GALNT13: variants seen among roughly 807,000 people sequenced by gnomAD.
GALNT13 encodes the protein polypeptide N-acetylgalactosaminyltransferase 13.
Under a neutral mutation model 64.2 loss-of-function variants are expected in GALNT13, and 28 were observed. That is an observed-to-expected ratio of 0.44 (90% confidence interval 0.32 to 0.60). The LOEUF (loss-of-function observed/expected upper bound fraction) is 0.60. Among genes scored for constraint, GALNT13 ranks in the 20% least tolerant of loss-of-function variants. The pLI, the probability that GALNT13 is intolerant of heterozygous loss-of-function variation, is 0.05. For synonymous variants in GALNT13, 214 were observed against 224.6 expected (o/e 0.95, Z 0.42); for missense variants, 577 against 669.8 (o/e 0.86, Z 1.53).
the GALNT13 span, among the ~76,000 whole-genome samples, chr2:153,790,928 A>G: frequency 1.3e-5 from 2 of 152,186 alleles, no homozygotes; most frequent in Non-Finnish European, 2.9e-5. Flanking sequence ...CAGAATTACA[A>G]AACACTGCTC....
At chr2:153,313,438 A>C in the GALNT13 span, among the ~76,000 whole-genome samples, 1 of 152,092 alleles carries the variant, frequency 6.6e-6, no homozygotes, top group African/African-American at 2.4e-5. Flanking sequence ...TTAGCAAACT[A>C]ACACAGGAAC....
the GALNT13 span, among the ~76,000 whole-genome samples, chr2:153,112,469 C>T: frequency 2.0e-5 from 3 of 152,074 alleles, no homozygotes; most frequent in East Asian, 5.8e-4. Context: ...TAGTAACTGA[C>T]ATTTTAGTCC....
the GALNT13 span, among the ~76,000 whole-genome samples, chr2:153,737,418 C>T: frequency 6.6e-6 from 1 of 150,678 alleles, no homozygotes; most frequent in Non-Finnish European, 1.5e-5. Context: ...TTGGTGGCCT[C>T]GTGTATTATC....
the GALNT13 span, among the ~76,000 whole-genome samples, chr2:153,796,271 C>T: frequency 0.012 from 1,881 of 152,296 alleles, 34 homozygotes; most frequent in African/African-American, 0.042. Context: ...TGTCAATTAT[C>T]GCAAGAAGAG....
chr2:153,846,004 A>AT, the GALNT13 span, among the ~76,000 whole-genome samples: 1 of 152,224 alleles, frequency 6.6e-6, no homozygotes, highest in Non-Finnish European at 1.5e-5. Flanking sequence ...GTGTAACAAA[A>AT]GTAAAGGCAA....
the GALNT13 span, among the ~76,000 whole-genome samples, chr2:153,501,389 TG>T: frequency 2.2e-4 from 33 of 152,250 alleles, no homozygotes; most frequent in African/African-American, 7.9e-4. Flanking sequence ...TGGAGTGCAG[TG>T]GCACAATCTC....
chr2:153,472,433 TTGTC>T, the GALNT13 span, among the ~76,000 whole-genome samples: 1 of 152,070 alleles, frequency 6.6e-6, no homozygotes, highest in Non-Finnish European at 1.5e-5. Context: ...TTACATGTGT[TTGTC>T]TGTGCCAGTG....
chr2:154,141,117 T>G (rs1167618597), intron 4 of GALNT13, among the ~76,000 whole-genome samples: 1 of 152,072 alleles, frequency 6.6e-6, no homozygotes, highest in Non-Finnish European at 1.5e-5. Flanking sequence ...ATTTGTATAC[T>G]TGTATAGGTC....
Position 154,342,596 on chromosome 2 carries a change from A to T in GALNT13, c.1156+41007A>T. ...CTATCAAATTCAGATTTCAGTGTTC[A>T]TAAAAAAAACTTTAATTACAACACA... is the stretch of plus-strand genomic sequence containing the variant. On this transcript the variant is annotated intron_variant, in intron 9 of 12. Coordinates refer to ENST00000392825, the MANE Select transcript of GALNT13 (RefSeq NM_052917.4). 1.3e-5 allele frequency among the ~76,000 whole-genome samples: 2 copies of T among 152,062 alleles called. 1 individual carries two copies.
chr2:153,924,726 T>A (rs550880991), intron 2 of GALNT13, among the ~76,000 whole-genome samples: 1 of 152,264 alleles, frequency 6.6e-6, no homozygotes, highest in East Asian at 1.9e-4. Flanking sequence ...GCATCTGTTG[T>A]TTTTTTACTT....
the GALNT13 span, among the ~76,000 whole-genome samples, chr2:153,519,873 C>A: frequency 2.0e-5 from 3 of 152,024 alleles, no homozygotes; most frequent in Non-Finnish European, 4.4e-5. Context: ...TAGGTAAATC[C>A]AGAATATCTG....
intron 3 of GALNT13, among the ~76,000 whole-genome samples, chr2:154,110,078 A>G (rs540293892): frequency 2.0e-5 from 3 of 151,812 alleles, no homozygotes; most frequent in Admixed American, 6.6e-5. Context: ...GTTTCGTAGA[A>G]TTCAGCAGTG....
chr2:154,439,451 G>A, intron 12 of GALNT13, among the ~76,000 whole-genome samples: 1 of 151,018 alleles, frequency 6.6e-6, no homozygotes, highest in Non-Finnish European at 1.5e-5. Context: ...AAAATGAATT[G>A]GTTGTCTGTG....
At chr2:154,238,999 G>A (rs1689339601) in intron 4 of GALNT13, among the ~76,000 whole-genome samples, 1 of 152,064 alleles carries the variant, frequency 6.6e-6, no homozygotes, top group East Asian at 1.9e-4. Context: ...TGTTTACACA[G>A]GAAGAAGAGG....
rs1024212282 is a variant in GALNT13, at chr2:154,198,849, G to A, written c.312-43181G>A. Among the ~76,000 whole-genome samples the A allele has an allele frequency of 1.3e-5, 2 of 152,012 alleles. 1 individual carries two copies. The highest frequency in any genetic ancestry group is 4.1e-4 in the South Asian group (2 of 4,830). ...TGTTGTAATACAAAATAGAGGTTTA[G>A]ATGTGCTACCTAAAAATATACAAAT... On this transcript the variant is annotated intron_variant, in intron 4 of 12. Coordinates refer to ENST00000392825, the MANE Select transcript of GALNT13 (RefSeq NM_052917.4).
At chr2:153,968,303 T>C (rs925411748) in intron 3 of GALNT13, among the ~76,000 whole-genome samples, 1 of 152,230 alleles carries the variant, frequency 6.6e-6, no homozygotes, top group Admixed American at 6.5e-5. Flanking sequence ...TTCTAAGTAC[T>C]CCGTCTGTGA....
intron 4 of GALNT13, among the ~76,000 whole-genome samples, chr2:154,215,398 C>A (rs1573892780): frequency 6.6e-6 from 1 of 152,204 alleles, no homozygotes; most frequent in East Asian, 1.9e-4. Context: ...TTGGGATAAA[C>A]ACAGTGCCTC....
At position 154,242,124 on chromosome 2, in the gene GALNT13, T is replaced by A. The variant is rs1338311488; in HGVS notation, c.406T>A (p.Tyr136Asn). The A allele has an allele frequency of 1.2e-6, 2 of 1,612,732 alleles. No homozygotes were observed. The highest frequency in any genetic ancestry group is 3.3e-5 in the Admixed American group (2 of 59,968). Residue 136 changes from tyrosine (Y) to asparagine (N), a missense_variant, in exon 5 of 13, where the codon TAC becomes AAC. Around this residue, in one of 3 missense-constraint regions of GALNT13, gnomAD observed 341 missense variants for 379.3 expected, o/e 0.90. Coordinates refer to ENST00000392825, the MANE Select transcript of GALNT13 (RefSeq NM_052917.4). The part of the protein sequence containing the change: ...EAWSTLLRTV[Y>N]SVINRSPHYL... ...TTGGAGCACTCTCCTTAGAACTGTTTACAGTGTGATAAATCGTTCCCCACA... is the reference window on the plus strand; with the variant it reads ...TTGGAGCACTCTCCTTAGAACTGTTAACAGTGTGATAAATCGTTCCCCACA...
intron 3 of GALNT13, among the ~76,000 whole-genome samples, chr2:154,011,208 C>G (rs1203158299): frequency 1.3e-5 from 1 of 75,984 alleles, no homozygotes; most frequent in Non-Finnish European, 2.9e-5. Flanking sequence ...TGAGGTCTTT[C>G]TAACTTTGTG....
Sources: gnomAD v4.1 joint callset for allele counts (sites outside exome capture counted in the v4.1 genomes callset) on GRCh38, gnomAD v4.1.1 for gene constraint, gnomAD v4.1.1 regional missense constraint, MANE v1.5 for transcripts, NCBI Gene and HGNC (gene_info 2026-07-23, HGNC 2026-07-21) for gene names.